Variants in RASSF8 observed in about 807,000 individuals in gnomAD.
The protein encoded by RASSF8 is Ras association domain family member 8, also known as ras association domain-containing protein 8.
Under a neutral mutation model 48.5 loss-of-function variants are expected in RASSF8, and 22 were observed. The observed-to-expected ratio is 0.45, with a 90% CI of 0.32 to 0.65. The LOEUF (loss-of-function observed/expected upper bound fraction) is 0.65, where lower values mean the gene tolerates loss of function less well. Among genes scored for constraint, RASSF8 ranks in the 30% least tolerant of loss-of-function variants. The pLI is 0.03. For missense variants in RASSF8, 418 were observed against 489.2 expected (o/e 0.85, Z 1.37); for synonymous variants, 127 against 171.5 (o/e 0.74, Z 2.03).
At chr12:26,017,771 G>A (rs1017112917) in intron 2 of RASSF8, among the ~76,000 whole-genome samples, 1 of 152,230 alleles carries the variant, frequency 6.6e-6, no homozygotes, top group African/African-American at 2.4e-5. Context: ...AGCAAAAGCC[G>A]CTCCTCTTGC....
At chr12:26,035,381 TATAATATAATTATATGAA>T (rs1943111498) in intron 2 of RASSF8, among the ~76,000 whole-genome samples, 1 of 121,898 alleles carries the variant, frequency 8.2e-6, no homozygotes, top group South Asian at 2.7e-4. Flanking sequence ...TATATAATCA[TATAATATAATTATATGAA>T]ATTATATAAT....
chr12:25,998,940 G>T (rs749582686), intron 2 of RASSF8, among the ~76,000 whole-genome samples: 2 of 152,166 alleles, frequency 1.3e-5, no homozygotes, highest in Non-Finnish European at 2.9e-5. Context: ...GATATTTACT[G>T]TTAATATTTT....
At chr12:25,988,857 A>C (rs1215387070) in intron 1 of RASSF8, among the ~76,000 whole-genome samples, 1 of 152,212 alleles carries the variant, frequency 6.6e-6, no homozygotes, top group African/African-American at 2.4e-5. Context: ...CCTCCCGAGA[A>C]TTCCTATAGT....
intron 3 of RASSF8, among the ~76,000 whole-genome samples, chr12:26,056,261 T>G (rs998286364): frequency 2.6e-5 from 4 of 152,208 alleles, no homozygotes; most frequent in Non-Finnish European, 4.4e-5. Flanking sequence ...TCTCCCACCA[T>G]GTTTTACCCT....
downstream of RASSF8, among the ~76,000 whole-genome samples, chr12:26,074,506 C>T (rs1213943250): frequency 2.0e-5 from 3 of 149,712 alleles, no homozygotes; most frequent in African/African-American, 7.4e-5. Flanking sequence ...CCATGCCCAG[C>T]CAAATTTTTT....
chr12:25,999,525 A>C (rs1942206871), intron 2 of RASSF8, among the ~76,000 whole-genome samples: 1 of 152,096 alleles, frequency 6.6e-6, no homozygotes, highest in Non-Finnish European at 1.5e-5. Context: ...AGGCAGGAGG[A>C]TCACTTGAGT....
At chr12:26,055,478 T>A (rs758550831) in intron 3 of RASSF8, 32 bp downstream of exon 3, 2 of 1,495,578 alleles carry the variant, frequency 1.3e-6, no homozygotes, top group African/African-American at 2.8e-5. Context: ...CTGAGAAAAG[T>A]ACATTGTGCT....
intron 2 of RASSF8, among the ~76,000 whole-genome samples, chr12:26,036,944 T>G (rs1010190814): frequency 1.3e-5 from 2 of 151,600 alleles, no homozygotes; most frequent in African/African-American, 2.4e-5. Flanking sequence ...CAAAAAACTG[T>G]ATGTGTATTA....
chr12:25,968,412 G>A (rs564238107), intron 1 of RASSF8, among the ~76,000 whole-genome samples: 2 of 151,992 alleles, frequency 1.3e-5, no homozygotes, highest in Non-Finnish European at 2.9e-5. Context: ...GCACGATCTC[G>A]GCTCACTGCA....
intron 2 of RASSF8, among the ~76,000 whole-genome samples, chr12:26,050,373 C>G (rs1159405936): frequency 6.6e-6 from 1 of 152,180 alleles, no homozygotes; most frequent in Non-Finnish European, 1.5e-5. Flanking sequence ...AGAACTTTCA[C>G]TTCTGTCCCA....
At chr12:26,040,978 C>G (rs1591791914) in intron 2 of RASSF8, among the ~76,000 whole-genome samples, 1 of 151,626 alleles carries the variant, frequency 6.6e-6, no homozygotes, top group South Asian at 2.1e-4. Flanking sequence ...AGCGCTGCCT[C>G]CCAGGTTCAC....
chr12:25,973,484 A>G (rs750294688), intron 1 of RASSF8, among the ~76,000 whole-genome samples: 13 of 152,294 alleles, frequency 8.5e-5, no homozygotes, highest in Non-Finnish European at 1.3e-4. Context: ...GATGGTATCT[A>G]TCTTCCTTAT....
intron 2 of RASSF8, among the ~76,000 whole-genome samples, chr12:26,025,883 A>C (rs1942901562): frequency 6.6e-6 from 1 of 152,096 alleles, no homozygotes; most frequent in African/African-American, 2.4e-5. Flanking sequence ...GAAAGAAATT[A>C]AAGACCAAAA....
At chr12:25,977,480 T>A (rs1175021502) in intron 1 of RASSF8, among the ~76,000 whole-genome samples, 1 of 151,984 alleles carries the variant, frequency 6.6e-6, no homozygotes, top group East Asian at 1.9e-4. Flanking sequence ...ATGATTATTT[T>A]GATTTTTTTT....
chr12:25,973,471 T>C (rs1055751323), intron 1 of RASSF8, among the ~76,000 whole-genome samples: 66 of 152,314 alleles, frequency 4.3e-4, no homozygotes, highest in African/African-American at 1.6e-3. Context: ...GTCAGCTGGA[T>C]GTGATGGTAT....
intron 2 of RASSF8, among the ~76,000 whole-genome samples, chr12:26,032,615 C>T (rs1288508639): frequency 6.6e-6 from 1 of 152,024 alleles, no homozygotes. Flanking sequence ...TTATATTTAC[C>T]TGCAATTTAT....
At chr12:26,037,484 A>G (rs1209635669) in intron 2 of RASSF8, among the ~76,000 whole-genome samples, 1 of 152,140 alleles carries the variant, frequency 6.6e-6, no homozygotes, top group East Asian at 1.9e-4. Context: ...GTTTATAATT[A>G]TTTTACTACC....
intron 2 of RASSF8, among the ~76,000 whole-genome samples, chr12:26,013,065 AT>A (rs1942568021): frequency 6.6e-6 from 1 of 152,118 alleles, no homozygotes; most frequent in Non-Finnish European, 1.5e-5. Context: ...AAAGGAGAGT[AT>A]ATCTCCCGGA....
At chr12:25,979,014 A>G (rs1941675253) in intron 1 of RASSF8, among the ~76,000 whole-genome samples, 1 of 152,188 alleles carries the variant, frequency 6.6e-6, no homozygotes, top group South Asian at 2.1e-4. Context: ...GGAGTAGAAA[A>G]AGATACGGTA....
Sources: gnomAD v4.1 joint callset for allele counts (sites outside exome capture counted in the v4.1 genomes callset) on GRCh38, gnomAD v4.1.1 for gene constraint, MANE v1.5 for transcripts, NCBI Gene and HGNC (gene_info 2026-07-23, HGNC 2026-07-21) for gene names.